Variants in STXBP5L observed in about 807,000 individuals in gnomAD.
STXBP5L encodes syntaxin-binding protein 5-like.
A neutral mutation model predicts 144.5 loss-of-function variants in STXBP5L; 65 were observed. The ratio of observed to expected loss-of-function variants is 0.45; its 90% CI spans 0.37 to 0.55. The LOEUF (loss-of-function observed/expected upper bound fraction) is 0.55. STXBP5L is among the 20% of genes least tolerant of loss of function. The pLI, the probability that STXBP5L is intolerant of heterozygous loss-of-function variation, is 0.00. For synonymous variants in STXBP5L, 505 were observed against 469.6 expected, an observed-to-expected ratio of 1.08 and a Z score of -0.97; for missense variants, 1,298 against 1,405.5, an observed-to-expected ratio of 0.92 and a Z score of 1.22.
Position 121,356,196 on chromosome 3 carries a change from C to T in STXBP5L, c.2177-22520C>T, listed in dbSNP as rs558265827. Among the ~76,000 whole-genome samples the T allele has an allele frequency of 2.0e-4, 31 of 152,338 alleles. No homozygotes were observed. In the South Asian group the frequency reaches 3.3e-3, roughly 16 times the overall value. On this transcript the variant is annotated intron_variant, in intron 20 of 26. Transcript: ENST00000471454. ...CTGTCTGTTCTCAGAGTTCAAACGC[C>T]GTGCTGGGAGAAACACTGCTCTCTT...
chr3:121,065,797 G>C (rs926358649), intron 5 of STXBP5L, among the ~76,000 whole-genome samples: 1 of 152,158 alleles, frequency 6.6e-6, no homozygotes, highest in Non-Finnish European at 1.5e-5. Context: ...GGCCAGGGCT[G>C]TGCGATTTTC....
intron 19 of STXBP5L, chr3:121,282,435 T>G: frequency 8.8e-7 from 1 of 1,133,486 alleles, no homozygotes; most frequent in Non-Finnish European, 1.3e-6. Context: ...TTAAAACACA[T>G]TCAGCATGCA....
intron 9 of STXBP5L, 120 bp downstream of exon 9, chr3:121,157,747 A>G (rs1368821262): frequency 7.4e-7 from 1 of 1,356,716 alleles, no homozygotes; most frequent in African/African-American, 1.5e-5. Context: ...TTCTGGTTCT[A>G]AACATCCCTT....
chr3:121,018,172 C>G (rs1945278049), intron 3 of STXBP5L, among the ~76,000 whole-genome samples: 1 of 152,104 alleles, frequency 6.6e-6, no homozygotes, highest in African/African-American at 2.4e-5. Context: ...CCAACTTGAT[C>G]TATAGATTCA....
chr3:121,015,270 A>G (rs1945061838), intron 3 of STXBP5L, among the ~76,000 whole-genome samples: 2 of 152,208 alleles, frequency 1.3e-5, no homozygotes, highest in Admixed American at 6.5e-5. Context: ...AAATCAGTTA[A>G]TTAGATTTCT....
At chr3:121,224,628 T>C (rs956573462) in intron 11 of STXBP5L, among the ~76,000 whole-genome samples, 1 of 152,176 alleles carries the variant, frequency 6.6e-6, no homozygotes, top group Non-Finnish European at 1.5e-5. Context: ...AATGTATTAA[T>C]TTTTAAGTTA....
At chr3:121,095,168 A>G (rs1049246079) in intron 5 of STXBP5L, among the ~76,000 whole-genome samples, 1 of 152,100 alleles carries the variant, frequency 6.6e-6, no homozygotes, top group African/African-American at 2.4e-5. Flanking sequence ...TGTTAGTCTG[A>G]CGAGCTTCCC....
At chr3:121,182,632 A>G (rs539042460) in intron 9 of STXBP5L, among the ~76,000 whole-genome samples, 3 of 152,326 alleles carry the variant, frequency 2.0e-5, no homozygotes, top group Admixed American at 1.3e-4. Context: ...CCAGCAGAAG[A>G]AAAGAAGTAA....
chr3:120,997,324 G>T (rs570142096), intron 3 of STXBP5L, among the ~76,000 whole-genome samples: 3 of 152,264 alleles, frequency 2.0e-5, no homozygotes, highest in South Asian at 4.1e-4. Context: ...GGATTGTTTA[G>T]TTGAATGATA....
chr3:121,360,040 A>ATAATATATATATTATTACTATATAATG (rs1576282707), intron 20 of STXBP5L, among the ~76,000 whole-genome samples: 1 of 145,294 alleles, frequency 6.9e-6, no homozygotes, highest in East Asian at 2.0e-4. Context: ...ACTATATAAT[A>ATAATATATATATTATTACTATATAATG]TAATATATAG....
chr3:120,995,394 T>C (rs888708160), intron 3 of STXBP5L, among the ~76,000 whole-genome samples: 1 of 152,166 alleles, frequency 6.6e-6, no homozygotes, highest in Non-Finnish European at 1.5e-5. Context: ...GTGATCCTTC[T>C]GCCTTGGCCT....
chr3:120,976,782 C>A (rs1158611222), intron 3 of STXBP5L, among the ~76,000 whole-genome samples: 1 of 152,122 alleles, frequency 6.6e-6, no homozygotes, highest in African/African-American at 2.4e-5. Flanking sequence ...ATCTTTATTC[C>A]TGCCTTCATT....
chr3:121,277,412 T>C (rs1028607834), intron 18 of STXBP5L, among the ~76,000 whole-genome samples: 1 of 152,098 alleles, frequency 6.6e-6, no homozygotes, highest in Admixed American at 6.6e-5. Context: ...TTCTCTATTC[T>C]TTTCTACTAT....
chr3:121,001,045 G>T (rs916747871), intron 3 of STXBP5L, among the ~76,000 whole-genome samples: 3 of 152,176 alleles, frequency 2.0e-5, no homozygotes, highest in Non-Finnish European at 2.9e-5. Context: ...CAATGATACT[G>T]CATTGGTGGA....
At chr3:121,364,616 T>A (rs2108645968) in intron 20 of STXBP5L, among the ~76,000 whole-genome samples, 1 of 152,210 alleles carries the variant, frequency 6.6e-6, no homozygotes, top group East Asian at 1.9e-4. Flanking sequence ...TATATGTTCT[T>A]TAATTTTTTC....
chr3:121,095,221 T>A (rs1047941088), intron 5 of STXBP5L, among the ~76,000 whole-genome samples: 1 of 152,176 alleles, frequency 6.6e-6, no homozygotes, highest in African/African-American at 2.4e-5. Flanking sequence ...CCTTAACATT[T>A]TTTCCTTCAT....
intron 3 of STXBP5L, among the ~76,000 whole-genome samples, chr3:121,033,700 A>T (rs964370972): frequency 1.3e-5 from 2 of 151,928 alleles, no homozygotes; most frequent in African/African-American, 2.4e-5. Flanking sequence ...TAATTTTAGC[A>T]TTAACTGCTA....
intron 17 of STXBP5L, 44 bp downstream of exon 17, chr3:121,257,377 CAT>C (rs1244313229): frequency 2.0e-6 from 3 of 1,515,510 alleles, no homozygotes; most frequent in Non-Finnish European, 2.7e-6. Flanking sequence ...AGATATTAAT[CAT>C]ATGTCTTTGA....
chr3:121,115,046 A>C lies in STXBP5L; in HGVS notation c.592A>C (p.Lys198Gln). 1 of 1,601,992 alleles carries C rather than the reference A, an allele frequency of 6.2e-7. No individual in the cohort carries two copies. Among genetic ancestry groups the C allele is most frequent in the Middle Eastern group, 1.7e-4 (1 of 6,020 alleles). ...TTCTGGATATGTTATCATGTGGAAC[A>C]AGGCAATTGAACTGTAAGTTTGAAC... ...ILSGYVIMWNKAIELSTKTHP... is the reference protein window; with the variant it reads ...ILSGYVIMWNQAIELSTKTHP... The change falls in exon 6 of 27, where the codon AAG becomes CAG. Residue 198 changes from lysine (K) to glutamine (Q), a missense_variant. By Grantham distance (53) the Lys-to-Gln change is moderately conservative (BLOSUM62 1). Transcript: ENST00000471454.
Sources: gnomAD v4.1 joint callset for allele counts (sites outside exome capture counted in the v4.1 genomes callset) on GRCh38, gnomAD v4.1.1 for gene constraint, MANE v1.5 for transcripts, NCBI Gene and HGNC (gene_info 2026-07-23, HGNC 2026-07-21) for gene names.